Variants in SACS observed in about 807,000 individuals in gnomAD.
SACS encodes sacsin molecular chaperone, also known as sacsin.
In SACS, 197 loss-of-function variants were observed where a neutral mutation model predicts 348.0. The ratio of observed to expected loss-of-function variants is 0.57; its 90% CI spans 0.50 to 0.64. The LOEUF (loss-of-function observed/expected upper bound fraction) is 0.64. SACS is among the 30% of genes least tolerant of loss of function. SACS has a pLI of 0.00. For missense variants in SACS, 4,999 were observed against 5,360.8 expected (o/e 0.93, Z 2.11); for synonymous variants, 1,985 against 1,910.6 (o/e 1.04, Z -1.02).
chr13:23,408,936 T>C (rs1180579527), intron 2 of SACS, among the ~76,000 whole-genome samples: 1 of 129,040 alleles, frequency 7.7e-6, no homozygotes, highest in African/African-American at 2.6e-5. Flanking sequence ...CACTCCAGCC[T>C]GGGCGACAGA....
Position 23,364,416 on chromosome 13 carries a change from G to A in SACS, c.457+750C>T, listed in dbSNP as rs1190489573. 2.6e-5 allele frequency among the ~76,000 whole-genome samples: 4 copies of A among 151,190 alleles called. No individual in the cohort carries two copies. The South Asian group carries it at 6.4e-4, about 24-fold the overall frequency. ...CGGCCTCAGCCTCCTGAGTAGCTGG[G>A]ATTACAGGCGTCTGCCACCACGCCC... is the stretch of plus-strand genomic sequence containing the variant. On this transcript the variant is annotated intron_variant, in intron 6 of 9. Transcript: ENST00000382292.
At chr13:23,351,237 A>AT (rs1869937877) in intron 9 of SACS, among the ~76,000 whole-genome samples, 1 of 152,224 alleles carries the variant, frequency 6.6e-6, no homozygotes, top group Non-Finnish European at 1.5e-5. Context: ...TCAAAAACTA[A>AT]TTTTTGTCTG....
At chr13:23,405,741 G>C (rs1322027183) in intron 2 of SACS, among the ~76,000 whole-genome samples, 1 of 151,850 alleles carries the variant, frequency 6.6e-6, no homozygotes, top group African/African-American at 2.4e-5. Flanking sequence ...GATATGAACA[G>C]ACACTTCTCA....
intron 9 of SACS, among the ~76,000 whole-genome samples, chr13:23,352,857 A>C (rs1870056661): frequency 6.6e-6 from 1 of 152,176 alleles, no homozygotes. Context: ...CTCTCACTTT[A>C]ACTCCAACCT....
chr13:23,361,217 A>T (rs2709231), intron 6 of SACS, among the ~76,000 whole-genome samples: 129,151 of 152,208 alleles, frequency 0.85, 55,099 homozygotes, highest in East Asian at 1. Flanking sequence ...AACCAGGCAG[A>T]GCATACAGAC....
In SACS at chr13:23,354,844, C is replaced by T; in HGVS notation, c.1768G>A (p.Val590Met). Reference sequence around the variant, plus strand: ...CCTGAGCTCTGGAGGTAGTTGAGCACAGTTTTTGTGTATTCTAAATTTTCA... The same window carrying T: ...CCTGAGCTCTGGAGGTAGTTGAGCATAGTTTTTGTGTATTCTAAATTTTCA... ...LDENLEYTKT[V>M]LNYLQSSGKQ... Residue 590 changes from valine (V) to methionine (M), a missense_variant, in exon 8 of 10, where the codon GTG becomes ATG. Transcript: ENST00000382292. 6.2e-7 allele frequency: 1 copy of T among 1,614,220 alleles called. No individual in the cohort carries two copies. Among genetic ancestry groups the T allele is most frequent in the Non-Finnish European group, 8.5e-7 (1 of 1,180,034 alleles).
intron 9 of SACS, among the ~76,000 whole-genome samples, chr13:23,345,485 C>G (rs1230157752): frequency 6.6e-6 from 1 of 152,178 alleles, no homozygotes; most frequent in African/African-American, 2.4e-5. Flanking sequence ...TAAAAAATCA[C>G]CACTGACACT....
chr13:23,429,774 A>G (rs1342930191), intron 1 of SACS, among the ~76,000 whole-genome samples: 1 of 152,178 alleles, frequency 6.6e-6, no homozygotes, highest in African/African-American at 2.4e-5. Flanking sequence ...TCCAAAACCC[A>G]GTATATCTTC....
Position 23,344,137 on chromosome 13 carries a change from G to A in SACS, c.2186-2447C>T, listed in dbSNP as rs182939682. Among the ~76,000 whole-genome samples, 3 of 151,954 alleles carry A rather than the reference G, an allele frequency of 2.0e-5. No individual in the cohort carries two copies. In the East Asian group the frequency reaches 5.8e-4, roughly 29 times the overall value. On this transcript the variant is annotated intron_variant, in intron 9 of 9. Coordinates refer to ENST00000382292, the MANE Select transcript of SACS (RefSeq NM_014363.6). ...CACCGAATCAGATTTAACTATAATG[G>A]AATATCCAAATCATAAGACAAGGAT...
At chr13:23,344,167 T>C (rs979501299) in intron 9 of SACS, among the ~76,000 whole-genome samples, 1 of 148,002 alleles carries the variant, frequency 6.8e-6, no homozygotes, top group African/African-American at 2.4e-5. Context: ...AAGGATATAA[T>C]ACTAGAGATA....
intron 1 of SACS, among the ~76,000 whole-genome samples, chr13:23,425,533 G>C (rs1168072449): frequency 6.6e-6 from 1 of 152,186 alleles, no homozygotes; most frequent in Non-Finnish European, 1.5e-5. Context: ...GTCCACTAAG[G>C]CCTTATGTCC....
At position 23,355,293 on chromosome 13, in the gene SACS, A is replaced by C. The variant is rs1870284421; in HGVS notation, c.1319T>G (p.Phe440Cys). 6.2e-7 allele frequency: 1 copy of C among 1,614,036 alleles called. No homozygotes were observed. The highest frequency in any genetic ancestry group is 8.5e-7 in the Non-Finnish European group (1 of 1,180,058). Residue 440 changes from phenylalanine to cysteine, a missense_variant, in exon 8 of 10, where the codon TTC becomes TGC. By Grantham distance (205) the Phe-to-Cys change is radical. This residue lies in a region of SACS where 3,156 missense variants were observed against 3,380.1 expected (regional missense o/e 0.93). Coordinates refer to ENST00000382292, the MANE Select transcript of SACS (RefSeq NM_014363.6). ...DDEAKGATSD[F>C]SGKAFCFLPL... ...AAGGAAACAAAATGCTTTTCCTGAGAAATCAGACGTTGCTCCTTTTGCTTC... is the reference window on the plus strand; with the variant it reads ...AAGGAAACAAAATGCTTTTCCTGAGCAATCAGACGTTGCTCCTTTTGCTTC...
In SACS at chr13:23,411,281, G is replaced by C; in HGVS notation, c.-42C>G. ...ATATTTGTTTGTGAAAACCATGAAA[G>C]TACGCTTCTTTCTTCTGTTTAAGTC... On this transcript the variant is annotated 5_prime_UTR_variant, in exon 2 of 10. Transcript: ENST00000382292. 3 of 1,578,466 alleles carry C rather than the reference G, an allele frequency of 1.9e-6. No individual in the cohort carries two copies. Among genetic ancestry groups the C allele is most frequent in the Non-Finnish European group, 8.7e-7 (1 of 1,147,842 alleles).
chr13:23,360,388 C>CA (rs869085963), intron 6 of SACS, among the ~76,000 whole-genome samples: 2,314 of 64,210 alleles, frequency 0.036, 26 homozygotes, highest in Non-Finnish European at 0.042. Context: ...TCTACAAAGA[C>CA]AAAAAAAAAA....
intron 1 of SACS, among the ~76,000 whole-genome samples, chr13:23,422,559 G>A (rs563299797): frequency 6.6e-6 from 1 of 151,990 alleles, no homozygotes; most frequent in Admixed American, 6.6e-5. Context: ...AAAACCTAAG[G>A]AATGACATTC....
intron 1 of SACS, among the ~76,000 whole-genome samples, chr13:23,431,737 C>T (rs948231720): frequency 5.3e-5 from 8 of 152,198 alleles, no homozygotes; most frequent in Non-Finnish European, 5.9e-5. Flanking sequence ...GAAACATCAG[C>T]GTTCCTTTTA....
intron 2 of SACS, among the ~76,000 whole-genome samples, chr13:23,391,018 C>T (rs763563533): frequency 1.1e-4 from 17 of 152,210 alleles, no homozygotes; most frequent in Non-Finnish European, 2.1e-4. Context: ...TCAGTGCAGA[C>T]GCCACCACAG....
At position 23,333,868 on chromosome 13, in the gene SACS, T is replaced by C. The variant is rs148971954; in HGVS notation, c.10008A>G (p.Lys3336=). The C allele has an allele frequency of 5.1e-4, 820 of 1,613,732 alleles. 1 individual carries two copies. Among genetic ancestry groups the C allele is most frequent in the Non-Finnish European group, 6.7e-4 (789 of 1,179,836 alleles). The change falls in exon 10 of 10, where the codon AAA becomes AAG. Residue 3336 remains lysine, a synonymous_variant. Coordinates refer to ENST00000382292, the MANE Select transcript of SACS (RefSeq NM_014363.6). ...KAGCIQLALN[K]ICSKDSAFVP... is the part of the protein sequence containing the mutation. ...CAAATGCACTGTCTTTGGAACAGAT[T>C]TTGTTCAAAGCAAGCTGAATACAGC...
At chr13:23,431,993 C>T (rs900932564) in intron 1 of SACS, among the ~76,000 whole-genome samples, 3 of 152,202 alleles carry the variant, frequency 2.0e-5, no homozygotes, top group Non-Finnish European at 2.9e-5. Flanking sequence ...TGCTAGGCGC[C>T]TTCATACAAA....
Sources: allele counts gnomAD v4.1 joint callset (sites outside exome capture counted in the v4.1 genomes callset), GRCh38; gene constraint gnomAD v4.1.1; regional missense constraint gnomAD v4.1.1; transcripts MANE v1.5; gene names NCBI Gene and HGNC (gene_info 2026-07-23, HGNC 2026-07-21).